Variants in CNTNAP2 observed in about 807,000 individuals in gnomAD.
CNTNAP2 encodes the protein contactin associated protein 2.
Under a neutral mutation model 155.2 loss-of-function variants are expected in CNTNAP2, and 98 were observed. The ratio of observed to expected loss-of-function variants is 0.63; its 90% CI spans 0.54 to 0.75. The LOEUF is 0.75. Ranked by LOEUF, CNTNAP2 falls within the 30% of genes least tolerant of loss-of-function variation. The pLI is 0.00. For synonymous variants in CNTNAP2, 651 were observed against 631.2 expected, an observed-to-expected ratio of 1.03 and a Z score of -0.47; for missense variants, 1,727 against 1,688.1, an observed-to-expected ratio of 1.02 and a Z score of -0.40.
intron 15 of CNTNAP2, among the ~76,000 whole-genome samples, chr7:148,117,509 G>A (rs1315157550): frequency 2.0e-5 from 3 of 152,180 alleles, no homozygotes; most frequent in Admixed American, 1.3e-4. Flanking sequence ...GTTGACACAG[G>A]AGTGAGCACT....
intron 8 of CNTNAP2, among the ~76,000 whole-genome samples, chr7:147,245,528 T>G (rs1260090654): frequency 6.6e-6 from 1 of 151,910 alleles, no homozygotes; most frequent in Non-Finnish European, 1.5e-5. Flanking sequence ...TTGATCTAGA[T>G]CTCAAATAAA....
intron 8 of CNTNAP2, among the ~76,000 whole-genome samples, chr7:147,135,462 G>T (rs1453426633): frequency 6.6e-6 from 1 of 151,722 alleles, no homozygotes; most frequent in African/African-American, 2.4e-5. Flanking sequence ...TAGGACAGAA[G>T]TTACTGATTT....
chr7:148,222,356 A>T (rs568619233), intron 19 of CNTNAP2, among the ~76,000 whole-genome samples: 2 of 152,338 alleles, frequency 1.3e-5, no homozygotes, highest in African/African-American at 4.8e-5. Context: ...TACTGGTGGG[A>T]ACTCTCTGCA....
intron 1 of CNTNAP2, among the ~76,000 whole-genome samples, chr7:146,635,001 T>C (rs1799574298): frequency 6.6e-6 from 1 of 152,140 alleles, no homozygotes; most frequent in South Asian, 2.1e-4. Context: ...TGTTAGGAAC[T>C]TAAACTAGTC....
chr7:147,264,944 G>A (rs2116692972), intron 8 of CNTNAP2, among the ~76,000 whole-genome samples: 1 of 152,154 alleles, frequency 6.6e-6, no homozygotes, highest in Admixed American at 6.5e-5. Flanking sequence ...TGAGGAGGAA[G>A]GTTATTTACA....
At chr7:147,892,127 T>C (rs1185101561) in intron 13 of CNTNAP2, among the ~76,000 whole-genome samples, 3 of 152,138 alleles carry the variant, frequency 2.0e-5, no homozygotes, top group African/African-American at 7.2e-5. Flanking sequence ...AAATGACAAA[T>C]AGCTTCCTTA....
At chr7:146,731,637 A>T (rs939316454) in intron 1 of CNTNAP2, among the ~76,000 whole-genome samples, 3 of 152,098 alleles carry the variant, frequency 2.0e-5, no homozygotes, top group Admixed American at 2.0e-4. Flanking sequence ...TAGTATCTTC[A>T]GTTGAGGAAT....
intron 1 of CNTNAP2, among the ~76,000 whole-genome samples, chr7:146,531,135 C>G (rs1271386291): frequency 1.3e-5 from 2 of 152,080 alleles, no homozygotes; most frequent in African/African-American, 4.8e-5. Flanking sequence ...AACCAAATAC[C>G]ACATGTTCTC....
chr7:148,257,089 G>A (rs550978723), intron 20 of CNTNAP2, among the ~76,000 whole-genome samples: 51 of 152,240 alleles, frequency 3.3e-4, no homozygotes, highest in African/African-American at 1.2e-3. Context: ...GGAGTGCACA[G>A]TGCCTCCCCA....
chr7:147,146,304 C>T, intron 8 of CNTNAP2: 1 of 155,062 alleles, frequency 6.4e-6, no homozygotes, highest in Non-Finnish European at 1.4e-5. Context: ...CCATCATTTG[C>T]CCCAGCAAGC....
At chr7:147,969,077 G>C (rs957598199) in intron 14 of CNTNAP2, among the ~76,000 whole-genome samples, 1 of 152,050 alleles carries the variant, frequency 6.6e-6, no homozygotes, top group African/African-American at 2.4e-5. Flanking sequence ...CTCTCTTTTT[G>C]GTTTTGACAA....
At chr7:147,658,780 G>A (rs1795569188) in intron 13 of CNTNAP2, among the ~76,000 whole-genome samples, 1 of 152,174 alleles carries the variant, frequency 6.6e-6, no homozygotes, top group African/African-American at 2.4e-5. Flanking sequence ...CTTGTTTACT[G>A]TGCTTTCCCC....
At chr7:146,326,518 C>T (rs551079917) in intron 1 of CNTNAP2, among the ~76,000 whole-genome samples, 5 of 152,182 alleles carry the variant, frequency 3.3e-5, no homozygotes, top group African/African-American at 4.8e-5. Flanking sequence ...ACAAGACTGT[C>T]GTATACTTCT....
intron 15 of CNTNAP2, among the ~76,000 whole-genome samples, chr7:147,998,515 A>C (rs1044528071): frequency 4.6e-5 from 7 of 152,220 alleles, no homozygotes; most frequent in Non-Finnish European, 7.3e-5. Context: ...CATCTATTTC[A>C]GGATAAGTTA....
chr7:146,434,690 G>T (rs889021966), intron 1 of CNTNAP2, among the ~76,000 whole-genome samples: 1 of 152,104 alleles, frequency 6.6e-6, no homozygotes, highest in Non-Finnish European at 1.5e-5. Context: ...CAATTATGTA[G>T]TTTCTGCTTA....
At chr7:147,924,207 G>A (rs923267823) in intron 14 of CNTNAP2, among the ~76,000 whole-genome samples, 2 of 145,510 alleles carry the variant, frequency 1.4e-5, no homozygotes, top group East Asian at 2.1e-4. Flanking sequence ...TGGCACGATC[G>A]CAGCTCACCC....
intron 4 of CNTNAP2, among the ~76,000 whole-genome samples, chr7:147,051,482 C>G (rs1584806276): frequency 6.6e-6 from 1 of 152,024 alleles, no homozygotes; most frequent in Non-Finnish European, 1.5e-5. Context: ...TTTAAATACT[C>G]TATGATAAAT....
chr7:147,287,845 G>T (rs1022402393), intron 8 of CNTNAP2, among the ~76,000 whole-genome samples: 1 of 152,020 alleles, frequency 6.6e-6, no homozygotes, highest in Non-Finnish European at 1.5e-5. Flanking sequence ...CCCACCAGTT[G>T]TGCTTCCAAA....
intron 1 of CNTNAP2, among the ~76,000 whole-genome samples, chr7:146,219,068 C>T (rs746936783): frequency 1.8e-4 from 27 of 152,138 alleles, no homozygotes; most frequent in Non-Finnish European, 3.5e-4. Context: ...GCAAAAGAGA[C>T]GCCAGGACCT....
Sources: gnomAD v4.1 joint callset for allele counts (sites outside exome capture counted in the v4.1 genomes callset) on GRCh38, gnomAD v4.1.1 for gene constraint, MANE v1.5 for transcripts, NCBI Gene and HGNC (gene_info 2026-07-23, HGNC 2026-07-21) for gene names.